The following DNAJB14 variants were observed in gnomAD, a reference collection of about 807,000 sequenced individuals.
DNAJB14 encodes dnaJ homolog subfamily B member 14.
Under a neutral mutation model 48.4 loss-of-function variants are expected in DNAJB14, and 22 were observed. The observed-to-expected ratio is 0.45, with a 90% CI of 0.32 to 0.65. The LOEUF is 0.65. Ranked by LOEUF, DNAJB14 falls within the 30% of genes least tolerant of loss-of-function variation. The pLI is 0.03. For missense variants in DNAJB14, 319 were observed against 458.8 expected (o/e 0.70, Z 2.78); for synonymous variants, 142 against 158.7 (o/e 0.89, Z 0.79).
rs1300126464 is a variant in DNAJB14 at position 99,899,265 on chromosome 4, C to T, written c.*1763G>A. 1 of 151,674 alleles carries T rather than the reference C, an allele frequency of 6.6e-6. No homozygotes were observed. The highest frequency in any genetic ancestry group is 1.5e-5 in the Non-Finnish European group (1 of 67,736). The allele number at this position is 151,674 out of a possible 1,614,324, so 9.4% of individuals were successfully genotyped here. A position where few individuals can be genotyped will look rare whatever the true frequency, so the allele number is the denominator to read the frequency against. On this transcript the variant is annotated 3_prime_UTR_variant, in exon 8 of 8. Coordinates refer to ENST00000442697, the MANE Select transcript of DNAJB14 (RefSeq NM_001031723.4). Reference sequence around the variant, plus strand: ...ATAAATAGATGAAATTTTTTTCATTCAAATTTTCATAAATTTTCTGATGCA... The same window carrying T: ...ATAAATAGATGAAATTTTTTTCATTTAAATTTTCATAAATTTTCTGATGCA...
intron 1 of DNAJB14, among the ~76,000 whole-genome samples, chr4:99,940,086 G>A (rs182469496): frequency 5.0e-4 from 76 of 152,194 alleles, no homozygotes; most frequent in African/African-American, 1.8e-3. Flanking sequence ...AGTTAATATA[G>A]AATTTAAAAT....
At chr4:99,938,757 T>C (rs1726781493) in intron 1 of DNAJB14, among the ~76,000 whole-genome samples, 1 of 152,166 alleles carries the variant, frequency 6.6e-6, no homozygotes, top group South Asian at 2.1e-4. Flanking sequence ...TTTCTGTAAG[T>C]TTGAAATTAT....
At chr4:99,937,370 C>A (rs1236951953) in intron 1 of DNAJB14, among the ~76,000 whole-genome samples, 1 of 152,012 alleles carries the variant, frequency 6.6e-6, no homozygotes, top group Non-Finnish European at 1.5e-5. Context: ...ACTAAGTGAT[C>A]AAAGTAACCT....
At chr4:99,914,029 G>C (rs1189857514) in intron 3 of DNAJB14, among the ~76,000 whole-genome samples, 2 of 152,148 alleles carry the variant, frequency 1.3e-5, no homozygotes, top group East Asian at 3.9e-4. Flanking sequence ...GGGAAAACCT[G>C]AGGGGTGTCC....
chr4:99,928,477 C>A, intron 2 of DNAJB14: 2 of 375,826 alleles, frequency 5.3e-6, no homozygotes, highest in Admixed American at 2.7e-5. Flanking sequence ...TTTGGAGAAC[C>A]ACACACACAA....
At chr4:99,913,001 A>G (rs1171351525) in intron 3 of DNAJB14, among the ~76,000 whole-genome samples, 1 of 152,210 alleles carries the variant, frequency 6.6e-6, no homozygotes, top group East Asian at 1.9e-4. Flanking sequence ...TTGCTAGTAA[A>G]TAGAAATGCA....
intron 7 of DNAJB14, among the ~76,000 whole-genome samples, chr4:99,902,875 A>T (rs1725341091): frequency 6.6e-6 from 1 of 152,138 alleles, no homozygotes; most frequent in Non-Finnish European, 1.5e-5. Context: ...GTTGTTGTGA[A>T]GATTAAATGA....
intron 1 of DNAJB14, among the ~76,000 whole-genome samples, chr4:99,932,826 A>G (rs1319090044): frequency 6.6e-6 from 1 of 152,206 alleles, no homozygotes. Context: ...GATATGTGCT[A>G]CAACATGAAT....
At chr4:99,939,213 T>C (rs1486489655) in intron 1 of DNAJB14, among the ~76,000 whole-genome samples, 1 of 151,994 alleles carries the variant, frequency 6.6e-6, no homozygotes, top group Non-Finnish European at 1.5e-5. Context: ...AATACAAAAA[T>C]TACCTGGACA....
At chr4:99,907,915 A>T (rs1725523949) in intron 4 of DNAJB14, among the ~76,000 whole-genome samples, 1 of 152,220 alleles carries the variant, frequency 6.6e-6, no homozygotes, top group Non-Finnish European at 1.5e-5. Flanking sequence ...GTAAGTCCTC[A>T]CTTAACGTCA....
intron 3 of DNAJB14, among the ~76,000 whole-genome samples, chr4:99,911,120 A>G (rs1164834563): frequency 6.6e-6 from 1 of 152,146 alleles, no homozygotes; most frequent in African/African-American, 2.4e-5. Flanking sequence ...GAAATAACAC[A>G]GTATATAAAT....
chr4:99,920,741 T>C (rs1726025299), intron 3 of DNAJB14, among the ~76,000 whole-genome samples: 1 of 152,196 alleles, frequency 6.6e-6, no homozygotes, highest in Non-Finnish European at 1.5e-5. Flanking sequence ...AGAGCAATCT[T>C]TTTTATTTTT....
chr4:99,929,648 C>CA (rs961867412), intron 2 of DNAJB14: 1 of 151,974 alleles, frequency 6.6e-6, no homozygotes, highest in Non-Finnish European at 1.5e-5. Flanking sequence ...AAAAGAGAAA[C>CA]AGACAAGAAA....
intron 2 of DNAJB14, 30 bp downstream of exon 2, chr4:99,930,420 G>A: frequency 6.5e-7 from 1 of 1,543,410 alleles, no homozygotes. Flanking sequence ...TACCAATTAT[G>A]ATTGAGATGT....
chr4:99,902,787 C>T (rs1373267510), intron 7 of DNAJB14, among the ~76,000 whole-genome samples: 1 of 152,122 alleles, frequency 6.6e-6, no homozygotes, highest in Admixed American at 6.5e-5. Context: ...TCACAAACGA[C>T]CTCTATGACC....
chr4:99,906,669 A>T, intron 4 of DNAJB14, 58 bp from the exon 5 acceptor site: 1 of 1,364,814 alleles, frequency 7.3e-7, no homozygotes, highest in Non-Finnish European at 1.0e-6. Context: ...GAAAAAATAC[A>T]TTTTCTTTCA....
intron 3 of DNAJB14, among the ~76,000 whole-genome samples, chr4:99,920,909 T>C (rs1726030743): frequency 6.6e-6 from 1 of 152,202 alleles, no homozygotes; most frequent in Non-Finnish European, 1.5e-5. Flanking sequence ...TTAGCTTTTA[T>C]AAAAAAGACA....
chr4:99,903,964 G>A, intron 6 of DNAJB14, 66 bp from the exon 7 acceptor site: 2 of 1,469,848 alleles, frequency 1.4e-6, no homozygotes, highest in Non-Finnish European at 1.9e-6. Flanking sequence ...TATAAACCAA[G>A]CAAACAAAAA....
intron 1 of DNAJB14, chr4:99,942,018 G>A (rs908400881): frequency 6.6e-6 from 1 of 152,010 alleles, no homozygotes; most frequent in African/African-American, 2.4e-5. Context: ...TAATACTCCA[G>A]ATGTATAATG....
Sources: allele counts gnomAD v4.1 joint callset (sites outside exome capture counted in the v4.1 genomes callset), GRCh38; gene constraint gnomAD v4.1.1; transcripts MANE v1.5; gene names NCBI Gene and HGNC (gene_info 2026-07-23, HGNC 2026-07-21).